DTNA: variants seen among roughly 807,000 people sequenced by gnomAD.
The protein encoded by DTNA is dystrobrevin alpha, also known as dystrophin-related protein 3.
DTNA carries 43 observed loss-of-function variants against 100.7 expected under a neutral mutation model. The ratio of observed to expected loss-of-function variants is 0.43; its 90% CI spans 0.33 to 0.55. DTNA has a LOEUF of 0.55. DTNA is among the 20% of genes least tolerant of loss of function. The pLI, the probability that DTNA is intolerant of heterozygous loss-of-function variation, is 0.04. For missense variants in DTNA, 798 were observed against 953.9 expected (o/e 0.84, Z 2.15); for synonymous variants, 349 against 347.9 (o/e 1.00, Z -0.04).
At chr18:34,627,285 C>A (rs1253675565) in intron 1 of DTNA, among the ~76,000 whole-genome samples, 1 of 152,116 alleles carries the variant, frequency 6.6e-6, no homozygotes, top group Admixed American at 6.6e-5. Context: ...CCAAGAATAT[C>A]TGTGTGAGAA....
intron 1 of DTNA, among the ~76,000 whole-genome samples, chr18:34,624,150 A>C (rs1599213406): frequency 6.6e-6 from 1 of 152,310 alleles, no homozygotes; most frequent in South Asian, 2.1e-4. Context: ...AAAAGCAAAA[A>C]AAATACAAGG....
intron 1 of DTNA, among the ~76,000 whole-genome samples, chr18:34,679,852 A>T (rs1445384866): frequency 6.6e-6 from 1 of 152,134 alleles, no homozygotes; most frequent in African/African-American, 2.4e-5. Context: ...TGAGCTATAT[A>T]ACATAAAGAT....
At chr18:34,696,184 T>C (rs1382557907) in intron 1 of DTNA, among the ~76,000 whole-genome samples, 1 of 152,144 alleles carries the variant, frequency 6.6e-6, no homozygotes, top group African/African-American at 2.4e-5. Context: ...TGTCTTAAAG[T>C]GTGTTACATT....
At chr18:34,573,985 A>G (rs2047858372) in intron 1 of DTNA, 2 of 154,514 alleles carry the variant, frequency 1.3e-5, no homozygotes, top group Admixed American at 1.3e-4. Context: ...GTGCTTTCAC[A>G]CAAGCACTGG....
At chr18:34,505,850 C>G (rs1327298997) in intron 1 of DTNA, among the ~76,000 whole-genome samples, 2 of 152,144 alleles carry the variant, frequency 1.3e-5, no homozygotes, top group Admixed American at 6.5e-5. Context: ...TGATTGTCGT[C>G]TTTCATTCAG....
At chr18:34,883,961 G>A (rs183006506) in intron 21 of DTNA, among the ~76,000 whole-genome samples, 124 of 152,238 alleles carry the variant, frequency 8.1e-4, no homozygotes, top group East Asian at 7.9e-3. Flanking sequence ...AAACAAATTC[G>A]CCTGATTGCA....
At chr18:34,746,573 A>G (rs958172762) in intron 1 of DTNA, among the ~76,000 whole-genome samples, 5 of 152,178 alleles carry the variant, frequency 3.3e-5, no homozygotes, top group Admixed American at 1.3e-4. Flanking sequence ...CTAAAAAAAA[A>G]TCTGAGGTCC....
intron 3 of DTNA, among the ~76,000 whole-genome samples, chr18:34,769,301 C>A (rs974651453): frequency 1.3e-5 from 2 of 152,214 alleles, no homozygotes; most frequent in South Asian, 2.1e-4. Flanking sequence ...AAAGTTGAAA[C>A]CTTCCTTCTA....
intron 15 of DTNA, among the ~76,000 whole-genome samples, chr18:34,857,773 G>T (rs1398157394): frequency 6.6e-6 from 1 of 152,116 alleles, no homozygotes. Context: ...TCAATGAGAA[G>T]TCCCTTCTTG....
intron 11 of DTNA, among the ~76,000 whole-genome samples, chr18:34,830,984 G>C (rs943339114): frequency 3.9e-5 from 6 of 152,114 alleles, no homozygotes; most frequent in African/African-American, 1.4e-4. Flanking sequence ...TTATTGCAAG[G>C]ACTGACCACA....
At chr18:34,540,528 C>G (rs2044148577) in intron 1 of DTNA, among the ~76,000 whole-genome samples, 2 of 151,960 alleles carry the variant, frequency 1.3e-5, no homozygotes, top group Admixed American at 1.3e-4. Context: ...AGTGGATGGA[C>G]AGTGACTTTA....
chr18:34,732,126 A>G (rs1568348578), intron 1 of DTNA, among the ~76,000 whole-genome samples: 1 of 152,236 alleles, frequency 6.6e-6, no homozygotes, highest in East Asian at 1.9e-4. Context: ...TCTCACTAAC[A>G]CCATGATCAT....
At chr18:34,844,690 C>T (rs2096343263) in intron 13 of DTNA, among the ~76,000 whole-genome samples, 1 of 152,080 alleles carries the variant, frequency 6.6e-6, no homozygotes, top group Admixed American at 6.6e-5. Context: ...TTTATATATG[C>T]TTTTGCTTTT....
intron 1 of DTNA, among the ~76,000 whole-genome samples, chr18:34,687,715 T>G (rs2079110759): frequency 1.3e-5 from 2 of 152,050 alleles, no homozygotes; most frequent in African/African-American, 4.8e-5. Context: ...TCTGTCTCAT[T>G]GATCTAATAT....
chr18:34,768,691 G>GT (rs1446665914), intron 3 of DTNA, among the ~76,000 whole-genome samples: 1 of 152,196 alleles, frequency 6.6e-6, no homozygotes, highest in Non-Finnish European at 1.5e-5. Flanking sequence ...TACCTGTCCA[G>GT]TGGCCCTTCA....
At chr18:34,741,214 C>A (rs2090591433) in intron 1 of DTNA, among the ~76,000 whole-genome samples, 1 of 151,936 alleles carries the variant, frequency 6.6e-6, no homozygotes, top group Non-Finnish European at 1.5e-5. Flanking sequence ...CATAAAGTTC[C>A]CAGGAGCAGG....
intron 6 of DTNA, among the ~76,000 whole-genome samples, chr18:34,815,127 TAAATA>T: frequency 6.6e-6 from 1 of 151,958 alleles, no homozygotes. Flanking sequence ...AAAAAATAAA[TAAATA>T]AAATTATCCC....
intron 1 of DTNA, among the ~76,000 whole-genome samples, chr18:34,502,680 C>T (rs1006750799): frequency 1.3e-5 from 2 of 151,950 alleles, no homozygotes; most frequent in Non-Finnish European, 2.9e-5. Flanking sequence ...GCTTTCTTTC[C>T]GTTATTGACT....
At chr18:34,622,315 C>T (rs749455991) in intron 1 of DTNA, among the ~76,000 whole-genome samples, 4 of 152,144 alleles carry the variant, frequency 2.6e-5, no homozygotes, top group Non-Finnish European at 4.4e-5. Context: ...CAGAAGCCCC[C>T]TATACGTATA....
Sources: gnomAD v4.1 joint callset for allele counts (sites outside exome capture counted in the v4.1 genomes callset) on GRCh38, gnomAD v4.1.1 for gene constraint, MANE v1.5 for transcripts, NCBI Gene and HGNC (gene_info 2026-07-23, HGNC 2026-07-21) for gene names.